The following GRID2 variants were observed in gnomAD, a reference collection of about 807,000 sequenced individuals.
The protein encoded by GRID2 is glutamate receptor ionotropic, delta-2.
A neutral mutation model predicts 114.8 loss-of-function variants in GRID2; 33 were observed. The ratio of observed to expected loss-of-function variants is 0.29; its 90% CI spans 0.22 to 0.38. The LOEUF is 0.38. Among genes scored for constraint, GRID2 ranks in the 10% least tolerant of loss-of-function variants. The probability of loss-of-function intolerance (pLI) is 1.00; values close to 1 mark genes in which losing one functional copy is unlikely to be tolerated. For missense variants in GRID2, 1,184 were observed against 1,257.7 expected (o/e 0.94, Z 0.89); for synonymous variants, 505 against 449.9 (o/e 1.12, Z -1.55).
At chr4:93,027,299 A>G (rs1268252782) in intron 2 of GRID2, among the ~76,000 whole-genome samples, 6 of 152,072 alleles carry the variant, frequency 3.9e-5, no homozygotes, top group Non-Finnish European at 8.8e-5. Context: ...TAGCAGTTGG[A>G]CATACTATTT....
At chr4:92,852,011 G>A (rs1347762377) in intron 2 of GRID2, among the ~76,000 whole-genome samples, 2 of 151,842 alleles carry the variant, frequency 1.3e-5, no homozygotes, top group Non-Finnish European at 2.9e-5. Flanking sequence ...TATATAATTA[G>A]GTCTGTGCAG....
chr4:93,464,113 G>A (rs1724037767), intron 11 of GRID2, among the ~76,000 whole-genome samples: 2 of 152,154 alleles, frequency 1.3e-5, no homozygotes, highest in South Asian at 4.1e-4. Flanking sequence ...TAGTAAAAAT[G>A]GGAACAAACA....
intron 14 of GRID2, among the ~76,000 whole-genome samples, chr4:93,646,364 T>C (rs1311581424): frequency 6.6e-6 from 1 of 152,060 alleles, no homozygotes; most frequent in Non-Finnish European, 1.5e-5. Flanking sequence ...GCAACAGATA[T>C]AAAAGCCCTG....
At chr4:92,305,886 G>A (rs1365110838) in intron 1 of GRID2, among the ~76,000 whole-genome samples, 1 of 152,232 alleles carries the variant, frequency 6.6e-6, no homozygotes, top group Non-Finnish European at 1.5e-5. Flanking sequence ...CTGGGCTGCA[G>A]AGAGGTCCCT....
chr4:93,463,797 G>C (rs1723986707), intron 11 of GRID2, among the ~76,000 whole-genome samples: 1 of 151,966 alleles, frequency 6.6e-6, no homozygotes, highest in Non-Finnish European at 1.5e-5. Context: ...AGACCATCCT[G>C]GCTAACATGG....
chr4:92,719,895 A>G (rs1317317459), intron 2 of GRID2, among the ~76,000 whole-genome samples: 2 of 152,162 alleles, frequency 1.3e-5, no homozygotes, highest in Admixed American at 6.6e-5. Flanking sequence ...AGTCAAGGAT[A>G]CTAGCAATAG....
At chr4:93,478,609 TTAACTAAC>T in intron 11 of GRID2, among the ~76,000 whole-genome samples, 1 of 151,528 alleles carries the variant, frequency 6.6e-6, no homozygotes, top group African/African-American at 2.4e-5. Context: ...TAACATAAAA[TTAACTAAC>T]TACATATTAA....
intron 7 of GRID2, among the ~76,000 whole-genome samples, chr4:93,233,495 A>C (rs1746395801): frequency 6.6e-6 from 1 of 151,778 alleles, no homozygotes; most frequent in East Asian, 1.9e-4. Flanking sequence ...GGCGCGCACC[A>C]CCACACCTGG....
intron 2 of GRID2, among the ~76,000 whole-genome samples, chr4:92,792,285 A>G (rs540134850): frequency 6.6e-6 from 1 of 151,972 alleles, no homozygotes; most frequent in African/African-American, 2.4e-5. Context: ...TCATAAGGTC[A>G]CGTGAAGTTC....
chr4:93,096,786 A>C (rs1051651452), intron 3 of GRID2, among the ~76,000 whole-genome samples: 2 of 151,984 alleles, frequency 1.3e-5, no homozygotes, highest in African/African-American at 4.8e-5. Context: ...TTAAATATCT[A>C]CTTACCTTGT....
chr4:92,421,574 T>C (rs559274339), intron 1 of GRID2, among the ~76,000 whole-genome samples: 1 of 152,152 alleles, frequency 6.6e-6, no homozygotes, highest in Admixed American at 6.6e-5. Context: ...CTGCTAAGAG[T>C]CTGGTAGTGG....
chr4:92,958,534 A>C (rs909995867), intron 2 of GRID2, among the ~76,000 whole-genome samples: 1 of 152,072 alleles, frequency 6.6e-6, no homozygotes, highest in Non-Finnish European at 1.5e-5. Context: ...TGGTCATGGC[A>C]TACAATTCTT....
chr4:93,120,239 T>G (rs1358367277), intron 4 of GRID2, among the ~76,000 whole-genome samples: 3 of 152,162 alleles, frequency 2.0e-5, no homozygotes, highest in African/African-American at 7.2e-5. Context: ...GCAATCCCAT[T>G]ATTGAGTGTA....
chr4:92,645,994 T>C (rs1470477859), intron 2 of GRID2, among the ~76,000 whole-genome samples: 1 of 151,754 alleles, frequency 6.6e-6, no homozygotes, highest in Non-Finnish European at 1.5e-5. Context: ...GTAGAATTGG[T>C]GGGTCATAGG....
At chr4:93,303,838 T>C (rs1755129716) in intron 8 of GRID2, among the ~76,000 whole-genome samples, 1 of 152,146 alleles carries the variant, frequency 6.6e-6, no homozygotes, top group Non-Finnish European at 1.5e-5. Context: ...TCTTCTTAGC[T>C]TTATCAAACA....
chr4:92,386,402 T>C (rs1729961948), intron 1 of GRID2, among the ~76,000 whole-genome samples: 1 of 151,786 alleles, frequency 6.6e-6, no homozygotes, highest in Admixed American at 6.6e-5. Flanking sequence ...TTTAAAGTCC[T>C]AATGTATGGC....
At position 93,622,650 on chromosome 4, in the gene GRID2, CTT is replaced by C. The variant is rs1354569570; in HGVS notation, c.2194-3616_2194-3615del. Among the ~76,000 whole-genome samples the C allele has an allele frequency of 2.0e-5, 3 of 152,230 alleles. No homozygotes were observed. The East Asian group carries it at 5.8e-4, about 29-fold the overall frequency. On this transcript the variant is annotated intron_variant, in intron 13 of 15. Transcript: ENST00000282020. ...TTAAATGCTTTCTTTAGGGAAAAAA[CTT>C]TTGTCTGTTTCAATACCTCATGGTT...
chr4:93,622,268 T>C (rs1408250797), intron 13 of GRID2, among the ~76,000 whole-genome samples: 1 of 152,148 alleles, frequency 6.6e-6, no homozygotes, highest in Non-Finnish European at 1.5e-5. Context: ...CAAGTGTTTT[T>C]CCTTCTCTCA....
intron 1 of GRID2, among the ~76,000 whole-genome samples, chr4:92,502,394 G>A (rs887804764): frequency 3.3e-5 from 5 of 151,676 alleles, no homozygotes; most frequent in African/African-American, 9.7e-5. Flanking sequence ...TTCAACTCTC[G>A]GTAATGTTGT....
Sources: gnomAD v4.1 joint callset for allele counts (sites outside exome capture counted in the v4.1 genomes callset) on GRCh38, gnomAD v4.1.1 for gene constraint, MANE v1.5 for transcripts, NCBI Gene and HGNC (gene_info 2026-07-23, HGNC 2026-07-21) for gene names.